CRY1: variants seen among roughly 807,000 people sequenced by gnomAD.
The protein encoded by CRY1 is cryptochrome-1.
CRY1 carries 45 observed loss-of-function variants against 76.0 expected under a neutral mutation model. The observed-to-expected ratio is 0.59, with a 90% CI of 0.47 to 0.76. CRY1 has a LOEUF of 0.76. Among genes scored for constraint, CRY1 ranks in the 30% least tolerant of loss-of-function variants. CRY1 has a pLI of 0.00. For synonymous variants in CRY1, 248 were observed against 244.0 expected, an observed-to-expected ratio of 1.02 and a Z score of -0.15; for missense variants, 587 against 716.4, an observed-to-expected ratio of 0.82 and a Z score of 2.06.
intron 2 of CRY1, among the ~76,000 whole-genome samples, chr12:107,020,982 T>A (rs1363397593): frequency 6.6e-6 from 1 of 152,088 alleles, no homozygotes. Context: ...TCCTACTAAG[T>A]TTTTTAAAAA....
intron 10 of CRY1, among the ~76,000 whole-genome samples, chr12:106,995,298 A>G (rs1373862377): frequency 2.0e-5 from 3 of 152,178 alleles, no homozygotes; most frequent in Admixed American, 2.0e-4. Flanking sequence ...TCCCAAAACT[A>G]ATTCTTGGAG....
At chr12:107,082,072 T>G (rs1367056483) in intron 1 of CRY1, among the ~76,000 whole-genome samples, 10 of 151,932 alleles carry the variant, frequency 6.6e-5, no homozygotes. Flanking sequence ...AAACAGACTT[T>G]AAACCAAAAA....
intron 10 of CRY1, among the ~76,000 whole-genome samples, chr12:106,995,747 A>AACC (rs1952227426): frequency 6.6e-6 from 1 of 152,130 alleles, no homozygotes; most frequent in Admixed American, 6.5e-5. Context: ...TGCACAGATC[A>AACC]ACCCATCACC....
chr12:106,997,785 A>T (rs776472204), intron 8 of CRY1, 95 bp from the exon 9 acceptor site: 215 of 1,535,890 alleles, frequency 1.4e-4, no homozygotes, highest in Non-Finnish European at 1.9e-4. Context: ...AAGACCATTT[A>T]AATGATCTGT....
intron 3 of CRY1, among the ~76,000 whole-genome samples, chr12:107,002,901 C>T (rs1220878805): frequency 6.6e-6 from 1 of 152,172 alleles, no homozygotes; most frequent in African/African-American, 2.4e-5. Context: ...TAAGACATGA[C>T]TTGCTCCTCC....
chr12:107,057,716 G>A (rs184844346), intron 1 of CRY1, among the ~76,000 whole-genome samples: 6 of 152,150 alleles, frequency 3.9e-5, no homozygotes, highest in African/African-American at 1.4e-4. Context: ...GGGTGACAGA[G>A]CAAGACCCTG....
At chr12:107,056,265 C>T (rs957547246) in intron 1 of CRY1, among the ~76,000 whole-genome samples, 1 of 152,172 alleles carries the variant, frequency 6.6e-6, no homozygotes, top group African/African-American at 2.4e-5. Context: ...CTCCTCCACA[C>T]CTTTTGTGAG....
At chr12:107,007,305 T>C (rs749908768) in intron 2 of CRY1, among the ~76,000 whole-genome samples, 6 of 152,118 alleles carry the variant, frequency 3.9e-5, no homozygotes, top group Non-Finnish European at 5.9e-5. Flanking sequence ...ACTGCTAAAC[T>C]CTCCATGCCT....
intron 1 of CRY1, among the ~76,000 whole-genome samples, chr12:107,053,284 A>C (rs1952943851): frequency 6.6e-6 from 1 of 152,214 alleles, no homozygotes; most frequent in African/African-American, 2.4e-5. Context: ...GAAGAAAATA[A>C]AAGAGTGCAG....
rs998652361 is a variant in CRY1 at position 106,991,744 on chromosome 12, A to G, written c.*258T>C. The G allele has an allele frequency of 6.6e-6, 1 of 152,582 alleles. No individual in the cohort carries two copies. Among genetic ancestry groups the G allele is most frequent in the African/African-American group, 2.4e-5 (1 of 41,462 alleles). 9.5% of individuals were successfully genotyped at this position (152,582 alleles called of 1,614,324 possible). A position where few individuals can be genotyped will look rare whatever the true frequency, so the allele number is the denominator to read the frequency against. ...ATACATGAAAAATTATCAAAAATATATCGATGGGTCTATACTAATTGTGAC... is the reference window on the plus strand; with the variant it reads ...ATACATGAAAAATTATCAAAAATATGTCGATGGGTCTATACTAATTGTGAC... On this transcript the variant is annotated 3_prime_UTR_variant, in exon 13 of 13. Coordinates refer to ENST00000008527, the MANE Select transcript of CRY1 (RefSeq NM_004075.5).
intron 1 of CRY1, among the ~76,000 whole-genome samples, chr12:107,052,490 A>C (rs1448825062): frequency 2.0e-5 from 3 of 152,228 alleles, no homozygotes; most frequent in Non-Finnish European, 4.4e-5. Flanking sequence ...AGAGGGAGTA[A>C]AGACAGAATA....
At chr12:106,998,516 T>C (rs558857931) in intron 7 of CRY1, among the ~76,000 whole-genome samples, 2 of 152,298 alleles carry the variant, frequency 1.3e-5, no homozygotes, top group South Asian at 4.1e-4. Flanking sequence ...CTTAAAAATA[T>C]ATACTAGCAT....
intron 1 of CRY1, among the ~76,000 whole-genome samples, chr12:107,078,226 A>C (rs562491953): frequency 1.1e-4 from 17 of 152,284 alleles, no homozygotes; most frequent in African/African-American, 4.1e-4. Flanking sequence ...TGTCAATCAA[A>C]TACAAAGATG....
Position 107,005,256 on chromosome 12 carries a change from A to G in CRY1, c.268-8T>C. 1 of 1,606,234 alleles carries G rather than the reference A, an allele frequency of 6.2e-7. No homozygotes were observed. Among genetic ancestry groups the G allele is most frequent in the Non-Finnish European group, 8.5e-7 (1 of 1,176,910 alleles). The stretch of plus-strand genomic sequence containing the variant: ...TTTAGTAATGTTCCATTCCTAAAGT[A>G]AGAGAAAGGGGAACAATGTACACCA... On this transcript the variant is annotated splice_polypyrimidine_tract_variant and splice_region_variant and intron_variant, in intron 2 of 12. Coordinates refer to ENST00000008527, the MANE Select transcript of CRY1 (RefSeq NM_004075.5).
intron 1 of CRY1, among the ~76,000 whole-genome samples, chr12:107,089,582 T>C (rs1405401898): frequency 6.6e-6 from 1 of 152,178 alleles, no homozygotes; most frequent in Non-Finnish European, 1.5e-5. Context: ...AATGTGCTTA[T>C]TAGGTAGAAT....
At position 107,000,344 on chromosome 12, in the gene CRY1, A is replaced by ATC. The variant is rs200765352; in HGVS notation, c.685-264_685-263dup. Among the ~76,000 whole-genome samples, 1,066 of 151,652 alleles carry ATC rather than the reference A, an allele frequency of 7.0e-3. 8 individuals carry two copies. The highest frequency in any genetic ancestry group is 8.1e-3 in the Non-Finnish European group (552 of 67,866). On this transcript the variant is annotated intron_variant, in intron 5 of 12. Coordinates refer to ENST00000008527, the MANE Select transcript of CRY1 (RefSeq NM_004075.5). The stretch of plus-strand genomic sequence containing the variant: ...CAACAGAAAGCTGAGAGCACCTTCA[A>ATC]TCTCTCTCTCTTTTTTTTTTTTCCT...
intron 2 of CRY1, among the ~76,000 whole-genome samples, chr12:107,012,755 T>C (rs1445762290): frequency 6.6e-6 from 1 of 152,122 alleles, no homozygotes; most frequent in East Asian, 1.9e-4. Flanking sequence ...TTGTGATTCA[T>C]GGGAGGAGGT....
intron 5 of CRY1, among the ~76,000 whole-genome samples, chr12:107,000,420 C>T (rs1274309471): frequency 1.3e-5 from 2 of 149,034 alleles, no homozygotes; most frequent in South Asian, 2.1e-4. Flanking sequence ...GGCTCAATCT[C>T]GGCTCACTGC....
chr12:107,069,754 A>C (rs1438477639), intron 1 of CRY1, among the ~76,000 whole-genome samples: 2 of 146,530 alleles, frequency 1.4e-5, no homozygotes, highest in East Asian at 3.9e-4. Flanking sequence ...TATATATATA[A>C]AGTATATATA....
Sources: allele counts gnomAD v4.1 joint callset (sites outside exome capture counted in the v4.1 genomes callset), GRCh38; gene constraint gnomAD v4.1.1; transcripts MANE v1.5; gene names NCBI Gene and HGNC (gene_info 2026-07-23, HGNC 2026-07-21).